EXOC6: variants seen among roughly 807,000 people sequenced by gnomAD.
EXOC6 encodes the protein SEC15-like 1.
A neutral mutation model predicts 112.5 loss-of-function variants in EXOC6; 60 were observed. The ratio of observed to expected loss-of-function variants is 0.53; its 90% CI spans 0.43 to 0.66. The LOEUF is 0.66. Ranked by LOEUF, EXOC6 falls within the 30% of genes least tolerant of loss-of-function variation. The pLI, the probability that EXOC6 is intolerant of heterozygous loss-of-function variation, is 0.00. For missense variants in EXOC6, 855 were observed against 957.1 expected, an observed-to-expected ratio of 0.89 and a Z score of 1.41; for synonymous variants, 295 against 308.0, an observed-to-expected ratio of 0.96 and a Z score of 0.44.
At chr10:92,954,362 T>G (rs942661824) in intron 15 of EXOC6, among the ~76,000 whole-genome samples, 3 of 152,214 alleles carry the variant, frequency 2.0e-5, no homozygotes, top group Admixed American at 2.0e-4. Flanking sequence ...TGTTTCCTTA[T>G]ACCAAGTCCT....
intron 4 of EXOC6, among the ~76,000 whole-genome samples, chr10:92,898,971 G>A (rs1849994054): frequency 6.6e-6 from 1 of 152,100 alleles, no homozygotes; most frequent in African/African-American, 2.4e-5. Context: ...TCTTGGCAAA[G>A]AATAATTTAT....
chr10:93,016,393 G>T (rs1421957765), intron 20 of EXOC6, among the ~76,000 whole-genome samples: 3 of 151,478 alleles, frequency 2.0e-5, no homozygotes, highest in African/African-American at 7.3e-5. Context: ...CGCCTGCCTT[G>T]GCCTCCCAGA....
At chr10:92,931,309 T>G (rs1269066860) in intron 9 of EXOC6, among the ~76,000 whole-genome samples, 1 of 151,648 alleles carries the variant, frequency 6.6e-6, no homozygotes, top group African/African-American at 2.4e-5. Flanking sequence ...GTACTGAGTT[T>G]ACTAGAATAA....
In EXOC6 at chr10:92,986,185, C is replaced by A. The variant is rs138932974; in HGVS notation, c.1954-11289C>A. Reference sequence around the variant, plus strand: ...AATGTTGTTGACTGACTTTTATTGACTAGGTTACTAAATTTTATCTGAATT... The same window carrying A: ...AATGTTGTTGACTGACTTTTATTGAATAGGTTACTAAATTTTATCTGAATT... On this transcript the variant is annotated intron_variant, in intron 18 of 21. Transcript: ENST00000260762. 3.5e-3 allele frequency among the ~76,000 whole-genome samples: 532 copies of A among 152,178 alleles called. 2 individuals carry two copies. The highest frequency in any genetic ancestry group is 6.7e-3 in the Non-Finnish European group (453 of 68,006).
At chr10:92,837,738 C>T (rs1020416885) in intron 1 of EXOC6, among the ~76,000 whole-genome samples, 1 of 152,122 alleles carries the variant, frequency 6.6e-6, no homozygotes, top group African/African-American at 2.4e-5. Context: ...AGGAGTTTGG[C>T]TGGAGGCAGC....
chr10:92,948,573 C>CACTACTACTACTACT (rs71028860), intron 14 of EXOC6, among the ~76,000 whole-genome samples, 194 bp downstream of exon 14: 3,331 of 140,134 alleles, frequency 0.024, 74 homozygotes, highest in Non-Finnish European at 0.033. Flanking sequence ...CTACTACTAC[C>CACTACTACTACTACT]ACTACTACTA....
chr10:92,991,311 C>T (rs368421359), intron 18 of EXOC6, among the ~76,000 whole-genome samples: 1 of 151,676 alleles, frequency 6.6e-6, no homozygotes, highest in African/African-American at 2.4e-5. Flanking sequence ...TCCCTCACGC[C>T]TGTAGTCACA....
At chr10:92,985,053 G>T (rs1842951979) in intron 18 of EXOC6, among the ~76,000 whole-genome samples, 1 of 151,994 alleles carries the variant, frequency 6.6e-6, no homozygotes, top group Non-Finnish European at 1.5e-5. Context: ...AACATCAAGA[G>T]AATGTATTCC....
rs77573120 is a variant in EXOC6, at chr10:93,032,027, T to G, written c.2169+17760T>G. On this transcript the variant is annotated intron_variant, in intron 20 of 21. Transcript: ENST00000260762. ...TTGACCACTCTTATGTTCTACCACT[T>G]TATAGGGAAATCTGTTATGAATAAT... Among the ~76,000 whole-genome samples, 12 of 152,318 alleles carry G rather than the reference T, an allele frequency of 7.9e-5. No individual in the cohort carries two copies. The East Asian group carries it at 2.3e-3, about 29-fold the overall frequency.
At chr10:92,898,269 T>A (rs972110949) in intron 4 of EXOC6, among the ~76,000 whole-genome samples, 12 of 145,954 alleles carry the variant, frequency 8.2e-5, no homozygotes, top group South Asian at 2.2e-4. Context: ...AAATTAAAAT[T>A]AAAAAAAAAA....
intron 17 of EXOC6, among the ~76,000 whole-genome samples, chr10:92,969,765 C>T (rs1308021741): frequency 6.6e-6 from 1 of 152,140 alleles, no homozygotes; most frequent in Non-Finnish European, 1.5e-5. Flanking sequence ...GCGATCTCAG[C>T]TCACTGCAAC....
rs150540964 is a variant in EXOC6, at chr10:92,886,155, A to G, written c.102-7194A>G. 5.1e-3 allele frequency among the ~76,000 whole-genome samples: 771 copies of G among 152,332 alleles called. 10 individuals are homozygous for G. Among genetic ancestry groups the G allele is most frequent in the African/African-American group, 0.018 (734 of 41,576 alleles). On this transcript the variant is annotated intron_variant, in intron 1 of 21. Transcript: ENST00000260762. ...ATGAATTAGGTAGATATAACTATAAACCAACTAGGCTCAAAGAGTGAGTAC... is the reference window on the plus strand; with the variant it reads ...ATGAATTAGGTAGATATAACTATAAGCCAACTAGGCTCAAAGAGTGAGTAC...
In EXOC6 at chr10:93,024,641, C is replaced by G. The variant is rs901811843; in HGVS notation, c.2169+10374C>G. ...CCATGTTGGCCAGGCTGGTTGCGAA[C>G]TCCTGACCTCAGGTGATCCACCCAG... is the stretch of plus-strand genomic sequence containing the variant. On this transcript the variant is annotated intron_variant, in intron 20 of 21. Transcript: ENST00000260762. 2.0e-5 allele frequency among the ~76,000 whole-genome samples: 3 copies of G among 152,286 alleles called. No individual in the cohort carries two copies. In the East Asian group the frequency reaches 5.8e-4, roughly 29 times the overall value.
chr10:92,899,157 C>G (rs969043410), intron 4 of EXOC6, among the ~76,000 whole-genome samples: 4 of 152,080 alleles, frequency 2.6e-5, no homozygotes, highest in Admixed American at 6.6e-5. Flanking sequence ...GTGAGTTTAA[C>G]ACAAGTGTGT....
chr10:93,005,281 AG>A (rs972503579), intron 19 of EXOC6, among the ~76,000 whole-genome samples: 4 of 152,206 alleles, frequency 2.6e-5, no homozygotes, highest in Non-Finnish European at 5.9e-5. Flanking sequence ...GAAGATAACC[AG>A]GAATACATAC....
chr10:92,884,213 C>T (rs909380754), intron 1 of EXOC6, among the ~76,000 whole-genome samples: 1 of 152,202 alleles, frequency 6.6e-6, no homozygotes, highest in African/African-American at 2.4e-5. Context: ...GTTTTGTTTT[C>T]TGATAAAGGT....
At position 92,915,824 on chromosome 10, in the gene EXOC6, ATG is replaced by A. The variant is rs1391075670; in HGVS notation, c.732_733del (p.Met244IlefsTer5). The A allele has an allele frequency of 1.0e-5, 16 of 1,534,826 alleles. No individual in the cohort carries two copies. Among genetic ancestry groups the A allele is most frequent in the African/African-American group, 1.4e-5 (1 of 69,416 alleles). On this transcript the variant is annotated frameshift_variant, in exon 7 of 22. Transcript: ENST00000260762. LOFTEE classifies it high-confidence loss of function. ...AAATAAAATGAAATTTGGGAAAAAT[ATG>A]TATATAAATCGTGATAGAATTCCAG... Reference protein sequence around the residue: ...KQNKMKFGKNMYINRDRIPEE... With the variant: ...KQNKMKFGKNXYINRDRIPEE...
intron 1 of EXOC6, among the ~76,000 whole-genome samples, chr10:92,888,375 A>G (rs1476078734): frequency 6.6e-6 from 1 of 152,234 alleles, no homozygotes; most frequent in Non-Finnish European, 1.5e-5. Flanking sequence ...TGAAGAATAT[A>G]TTGGAAAAAC....
intron 4 of EXOC6, among the ~76,000 whole-genome samples, chr10:92,896,637 G>C (rs1279510508): frequency 1.3e-5 from 2 of 151,864 alleles, no homozygotes; most frequent in Non-Finnish European, 2.9e-5. Flanking sequence ...GGCCAGGCTG[G>C]AGTGCAGTGG....
Sources: allele counts gnomAD v4.1 joint callset (sites outside exome capture counted in the v4.1 genomes callset), GRCh38; gene constraint gnomAD v4.1.1; transcripts MANE v1.5; gene names NCBI Gene and HGNC (gene_info 2026-07-23, HGNC 2026-07-21).